BFSP1: variants seen among roughly 807,000 people sequenced by gnomAD.
BFSP1 encodes filensin.
Under a neutral mutation model 43.9 loss-of-function variants are expected in BFSP1, and 38 were observed. The ratio of observed to expected loss-of-function variants is 0.87; its 90% CI spans 0.67 to 1.14. BFSP1 has a LOEUF of 1.14. Ranked by LOEUF, BFSP1 falls within the 50% of genes most tolerant of loss-of-function variation. BFSP1 has a pLI of 0.00. For missense variants in BFSP1, 850 were observed against 875.1 expected (o/e 0.97, Z 0.36); for synonymous variants, 352 against 354.8 (o/e 0.99, Z 0.09).
chr20:17,531,380 G>C (rs2034537743), upstream of BFSP1: 1 of 1,296,956 alleles, frequency 7.7e-7, no homozygotes. Context: ...TCTCCAGGAG[G>C]CCCCCGGCGC....
At chr20:17,531,954 G>C (rs2034553100), upstream of BFSP1, among the ~76,000 whole-genome samples, 1 of 152,070 alleles carries the variant, frequency 6.6e-6, no homozygotes, top group African/African-American at 2.4e-5. Flanking sequence ...AAATAAAATG[G>C]CATGTCTCCA....
exon 1 of BFSP1, chr20:17,558,778 C>A: frequency 6.5e-7 from 1 of 1,539,488 alleles, no homozygotes. Context: ...CTGAGGTACC[C>A]TGCCTACCCA....
chr20:17,557,655 T>G lies in BFSP1; in HGVS notation c.2+1033A>C, dbSNP rs150612132. Among the ~76,000 whole-genome samples the G allele has an allele frequency of 3.6e-3, 543 of 152,338 alleles. 1 individual carries two copies. Among genetic ancestry groups the G allele is most frequent in the Non-Finnish European group, 5.5e-3 (374 of 68,020 alleles). ...ACCTTCATGCGCCTAACAGTCTCTT[T>G]TGCTGTTTTATTTGAAGCATAGAAT... On this transcript the variant is annotated intron_variant, in intron 1 of 7. Coordinates refer to the BFSP1 transcript ENST00000377868.
rs923099331 is a variant in BFSP1 at position 17,525,997 on chromosome 20, C to T, written c.378-1089G>A. Among the ~76,000 whole-genome samples, 1 of 151,936 alleles carries T rather than the reference C, an allele frequency of 6.6e-6. No homozygotes were observed. The highest frequency in any genetic ancestry group is 1.5e-5 in the Non-Finnish European group (1 of 67,998). On this transcript the variant is annotated intron_variant, in intron 1 of 7. Coordinates refer to ENST00000377873, the MANE Select transcript of BFSP1 (RefSeq NM_001195.5). The surrounding 1 kb of genome is among the most constrained non-coding windows in gnomAD (Gnocchi z 4.2). ...ACATGAATGCTGCCTTCCTGAAGGC[C>T]ACACAGAACCTTCTGTGTCCCAAAT...
rs1466503797 is a variant in BFSP1, at chr20:17,496,191, C to T, written c.1042+747G>A. Among the ~76,000 whole-genome samples, 3 of 152,250 alleles carry T rather than the reference C, an allele frequency of 2.0e-5. No individual in the cohort carries two copies. In the South Asian group the frequency reaches 6.2e-4, roughly 32 times the overall value. ...GCTCGTCTGCAGACCTGGCCCTGGG[C>T]GTCCAGCTGCAAGGCTGTTCCCTTT... On this transcript the variant is annotated intron_variant, in intron 7 of 7. Coordinates refer to ENST00000377873, the MANE Select transcript of BFSP1 (RefSeq NM_001195.5).
upstream of BFSP1, among the ~76,000 whole-genome samples, chr20:17,559,472 G>A (rs1359554643): frequency 6.6e-6 from 1 of 152,208 alleles, no homozygotes; most frequent in Non-Finnish European, 1.5e-5. Context: ...TTACAGGTGA[G>A]GACAAGGAGT....
rs2034390488 is a variant in BFSP1 at position 17,524,975 on chromosome 20, T to G, written c.378-67A>C. 6 of 1,404,536 alleles carry G rather than the reference T, an allele frequency of 4.3e-6. No homozygotes were observed. In the South Asian group the frequency reaches 6.9e-5, roughly 16 times the overall value. 87.0% of individuals were successfully genotyped at this position (1,404,536 alleles called of 1,614,324 possible). ...GCTTTCACATGTATGGATCACATAA[T>G]CAGCATTAAATTCAACCTGGGTACG... On this transcript the variant is annotated intron_variant, in intron 1 of 7. Coordinates refer to ENST00000377873, the MANE Select transcript of BFSP1 (RefSeq NM_001195.5).
chr20:17,514,515 A>G (rs549481094), intron 3 of BFSP1, among the ~76,000 whole-genome samples: 1 of 152,324 alleles, frequency 6.6e-6, no homozygotes, highest in South Asian at 2.1e-4. Context: ...AGGGCCCTCA[A>G]AACACACCCA....
intron 2 of BFSP1, among the ~76,000 whole-genome samples, chr20:17,519,533 G>T (rs938153330): frequency 3.9e-4 from 59 of 152,218 alleles, no homozygotes; most frequent in African/African-American, 1.4e-3. Flanking sequence ...GAAGATAACA[G>T]GCCTGGAACC....
intron 3 of BFSP1, among the ~76,000 whole-genome samples, chr20:17,514,421 T>C (rs2034154700): frequency 6.6e-6 from 1 of 152,220 alleles, no homozygotes; most frequent in East Asian, 1.9e-4. Flanking sequence ...AAACAGTTGA[T>C]GGACTGTAGC....
intron 3 of BFSP1, among the ~76,000 whole-genome samples, chr20:17,513,867 TG>T (rs1255656589): frequency 6.6e-6 from 1 of 152,208 alleles, no homozygotes; most frequent in African/African-American, 2.4e-5. Context: ...TGAGTATCTC[TG>T]GGTGCCAATG....
rs187320509 is a variant in BFSP1, at chr20:17,567,655, A to G, written n.50+1516T>C. The stretch of plus-strand genomic sequence containing the variant: ...GGTGGCCAGATCACCTGAGGTCGGG[A>G]GTTCAAGACCAGCCTGACCAACACG... On this transcript the variant is annotated intron_variant and non_coding_transcript_variant, in intron 1 of 6. Transcript: ENST00000473415. Among the ~76,000 whole-genome samples, 680 of 152,286 alleles carry G rather than the reference A, an allele frequency of 4.5e-3. 3 individuals are homozygous for G. The highest frequency in any genetic ancestry group is 8.4e-3 in the Non-Finnish European group (570 of 68,012).
intron 5 of BFSP1, among the ~76,000 whole-genome samples, chr20:17,508,362 G>A (rs1342471321): frequency 6.6e-6 from 1 of 152,186 alleles, no homozygotes; most frequent in Non-Finnish European, 1.5e-5. Context: ...GTAGAAATGT[G>A]AGCTTTCCAC....
intron 7 of BFSP1, among the ~76,000 whole-genome samples, chr20:17,495,802 C>A (rs933386045): frequency 6.6e-6 from 1 of 152,184 alleles, no homozygotes; most frequent in Non-Finnish European, 1.5e-5. Context: ...GAATTTTGAA[C>A]TTTTTCAGCC....
At chr20:17,552,677 T>G (rs1309791472) in intron 1 of BFSP1, among the ~76,000 whole-genome samples, 2 of 151,952 alleles carry the variant, frequency 1.3e-5, no homozygotes, top group Admixed American at 6.6e-5. Flanking sequence ...CTATATATAT[T>G]TTGAGGGTAG....
In BFSP1 at chr20:17,498,847, T is replaced by C. The variant is rs984114638; in HGVS notation, c.929A>G (p.His310Arg). The C allele has an allele frequency of 6.2e-7, 1 of 1,613,372 alleles. No homozygotes were observed. The highest frequency in any genetic ancestry group is 1.3e-5 in the African/African-American group (1 of 75,028). Residue 310 changes from histidine (H) to arginine (R), a missense_variant, in exon 6 of 8, where the codon CAT (histidine) becomes CGT (arginine). His to Arg is a conservative substitution (Grantham distance 29, BLOSUM62 0). Transcript: ENST00000377873. ...GTTGCCTTCAATCTCGATGATACGA[T>C]GATACCGGTCCAGCTCATTCTTCAG... ...QTLKNELDRY[H>R]RIIEIEGNRL... is the part of the protein sequence containing the mutation.
upstream of BFSP1, among the ~76,000 whole-genome samples, chr20:17,534,880 C>T (rs1210289712): frequency 6.6e-6 from 1 of 151,768 alleles, no homozygotes; most frequent in African/African-American, 2.4e-5. Context: ...ATTAGCCGGA[C>T]GTCGTGGCTT....
intron 1 of BFSP1, among the ~76,000 whole-genome samples, chr20:17,557,499 C>T (rs373940121): frequency 4.8e-4 from 73 of 152,210 alleles, no homozygotes; most frequent in African/African-American, 1.7e-3. Context: ...GTGACTCAGT[C>T]CTGGGCCCTC....
intron 1 of BFSP1, among the ~76,000 whole-genome samples, chr20:17,548,478 A>G (rs1275618765): frequency 1.3e-5 from 2 of 152,148 alleles, no homozygotes; most frequent in African/African-American, 2.4e-5. Flanking sequence ...CCCAGCCACA[A>G]ATTTATCTGT....
Sources: allele counts gnomAD v4.1 joint callset (sites outside exome capture counted in the v4.1 genomes callset), GRCh38; gene constraint gnomAD v4.1.1; non-coding constraint Gnocchi (gnomAD v3.1); transcripts MANE v1.5; gene names NCBI Gene and HGNC (gene_info 2026-07-23, HGNC 2026-07-21).